EIF4A3: variants seen among roughly 807,000 people sequenced by gnomAD.
The protein encoded by EIF4A3 is eukaryotic initiation factor 4A-III.
EIF4A3 carries 1 observed loss-of-function variant against 55.6 expected under a neutral mutation model. That is an observed-to-expected ratio of 0.02 (90% CI 0.01 to 0.09). The LOEUF (loss-of-function observed/expected upper bound fraction) is 0.09. EIF4A3 is among the 10% of genes least tolerant of loss of function. The probability of loss-of-function intolerance (pLI) is 1.00; values close to 1 mark genes in which losing one functional copy is unlikely to be tolerated. For missense variants in EIF4A3, 221 were observed against 540.7 expected (o/e 0.41, Z 5.86); for synonymous variants, 194 against 196.3 (o/e 0.99, Z 0.10).
chr17:80,138,913 C>G (rs2039595227), intron 7 of EIF4A3, 108 bp downstream of exon 7: 1 of 1,454,546 alleles, frequency 6.9e-7, no homozygotes, highest in Admixed American at 2.0e-5. Context: ...ACACGAGCTT[C>G]AGCAACACAG....
intron 7 of EIF4A3, 71 bp downstream of exon 7, chr17:80,138,942 AAGTTTTTG>A: frequency 6.4e-7 from 1 of 1,569,558 alleles, no homozygotes; most frequent in Non-Finnish European, 8.7e-7. Context: ...TGGCTATAAA[AAGTTTTTG>A]AAATTACGAC....
At chr17:80,136,990 T>TG in intron 9 of EIF4A3, 1 of 165,482 alleles carries the variant, frequency 6.0e-6, no homozygotes. Context: ...ACAGCACATA[T>TG]GTTAAGCTGA....
Position 80,141,393 on chromosome 17 carries a change from A to AT in EIF4A3, c.310-13dup. ...TGAGTTTCACGAACCTGGTGAAATA[A>AT]TTTATCAGAAAATAGAGAATCCGCA... On this transcript the variant is annotated splice_polypyrimidine_tract_variant and intron_variant, in intron 3 of 11. Coordinates refer to ENST00000649764, the MANE Select transcript of EIF4A3 (RefSeq NM_014740.4). The AT allele has an allele frequency of 6.2e-7, 1 of 1,613,156 alleles. No homozygotes were observed. The highest frequency in any genetic ancestry group is 8.5e-7 in the Non-Finnish European group (1 of 1,179,194).
chr17:80,144,973 G>C (rs923104843), intron 1 of EIF4A3, among the ~76,000 whole-genome samples: 3 of 152,192 alleles, frequency 2.0e-5, no homozygotes, highest in African/African-American at 7.2e-5. Context: ...TTTTTTGGTA[G>C]TCTCTTAAAT....
In EIF4A3 at chr17:80,134,947, C is replaced by T. The variant is rs1026912630; in HGVS notation, c.*543G>A. ...TGGGTGGATCACGAGGTCAGGAGAT[C>T]GAGACCATCTTGGCTAACACGGTGA... On this transcript the variant is annotated 3_prime_UTR_variant, in exon 12 of 12. Transcript: ENST00000649764. Among the ~76,000 whole-genome samples, 6 of 151,824 alleles carry T rather than the reference C, an allele frequency of 4.0e-5. No individual in the cohort carries two copies. Among genetic ancestry groups the T allele is most frequent in the Admixed American group, 6.6e-5 (1 of 15,244 alleles).
In EIF4A3 at chr17:80,141,333, C is replaced by T. The variant is rs768135698; in HGVS notation, c.358G>A (p.Val120Met). 1 of 1,613,606 alleles carries T rather than the reference C, an allele frequency of 6.2e-7. No homozygotes were observed. Among genetic ancestry groups the T allele is most frequent in the Non-Finnish European group, 8.5e-7 (1 of 1,179,578 alleles). The part of the protein sequence containing the change: ...LILAPTRELA[V>M]QIQKGLLALG... ...AGCCATCTCACCTTCTGGATCTGCA[C>T]AGCCAACTCTCTTGTGGGAGCCAAG... The change falls in exon 4 of 12, where the codon GTG becomes ATG. Residue 120 changes from valine (V) to methionine (M), a missense_variant. Transcript: ENST00000649764.
chr17:80,141,197 C>T (rs12949569), intron 4 of EIF4A3, 122 bp downstream of exon 4: 181,102 of 1,037,736 alleles, frequency 0.17, 17,317 homozygotes, highest in Middle Eastern at 0.24. Context: ...AAATGTTAAT[C>T]AGGAAGAAAA....
At chr17:80,141,550 T>A in intron 3 of EIF4A3, 169 bp from the exon 4 acceptor site, 1 of 790,946 alleles carries the variant, frequency 1.3e-6, no homozygotes, top group East Asian at 2.7e-5. Context: ...AACAATAACT[T>A]AATGTGTCAG....
chr17:80,135,183 A>T lies in EIF4A3; in HGVS notation c.*307T>A, dbSNP rs1446428822. 3.2e-6 allele frequency: 1 copy of T among 312,098 alleles called. No homozygotes were observed. The highest frequency in any genetic ancestry group is 2.2e-5 in the African/African-American group (1 of 46,438). The allele number at this position is 312,098 out of a possible 1,614,324, so 19.3% of individuals were successfully genotyped here. On this transcript the variant is annotated 3_prime_UTR_variant, in exon 12 of 12. Coordinates refer to ENST00000649764, the MANE Select transcript of EIF4A3 (RefSeq NM_014740.4). ...AAAAGAAAAAGAAAAGAAAAAAAGAAAAGTGAGTGAAATGACCCAAGACTA... is the reference window on the plus strand; with the variant it reads ...AAAAGAAAAAGAAAAGAAAAAAAGATAAGTGAGTGAAATGACCCAAGACTA...
At chr17:80,146,641 G>C in intron 1 of EIF4A3, 152 bp downstream of exon 1, 1 of 888,748 alleles carries the variant, frequency 1.1e-6, no homozygotes, top group Non-Finnish European at 1.6e-6. Flanking sequence ...CGGGGGTGGG[G>C]GTGGGGGTCG....
intron 2 of EIF4A3, among the ~76,000 whole-genome samples, chr17:80,142,684 G>T (rs997916607): frequency 1.2e-4 from 18 of 152,068 alleles, no homozygotes; most frequent in Admixed American, 9.2e-4. Context: ...GTTAGAGGTT[G>T]CAGTGAGCTA....
rs373181695 is a variant in EIF4A3 at position 80,136,059 on chromosome 17, G to T, written c.1164C>A (p.Ile388=). 1 of 1,614,146 alleles carries T rather than the reference G, an allele frequency of 6.2e-7. No individual in the cohort carries two copies. Among genetic ancestry groups the T allele is most frequent in the Non-Finnish European group, 8.5e-7 (1 of 1,180,034 alleles). ...AATAGTACTGCTCGATATCTCTGAG[G>T]ATGCGGATGTCGTCATTCTTTACAA... is the stretch of plus-strand genomic sequence containing the variant. ...INFVKNDDIR[I]LRDIEQYYST... is the part of the protein sequence containing the mutation. The change falls in exon 11 of 12, where the codon ATC becomes ATA. Residue 388 remains isoleucine (I), a synonymous_variant. Coordinates refer to ENST00000649764, the MANE Select transcript of EIF4A3 (RefSeq NM_014740.4).
At chr17:80,137,599 T>C (rs2039583102) in intron 8 of EIF4A3, 98 bp from the exon 9 acceptor site, 1 of 903,310 alleles carries the variant, frequency 1.1e-6, no homozygotes, top group South Asian at 1.7e-5. Context: ...CCAGTATCAA[T>C]ATTCGTAAGG....
chr17:80,140,313 CTTTTTT>C (rs34707524), intron 4 of EIF4A3, 173 bp from the exon 5 acceptor site: 163 of 419,518 alleles, frequency 3.9e-4, no homozygotes, highest in East Asian at 1.2e-3. Context: ...GTTAATTTTG[CTTTTTT>C]TTTTTTTTTT....
At chr17:80,141,081 C>T (rs1286286245) in intron 4 of EIF4A3, among the ~76,000 whole-genome samples, 2 of 151,944 alleles carry the variant, frequency 1.3e-5, no homozygotes, top group East Asian at 1.9e-4. Flanking sequence ...ATTGATTTTT[C>T]GCAAAAAATC....
intron 4 of EIF4A3, chr17:80,140,400 G>T: frequency 3.5e-6 from 1 of 288,868 alleles, no homozygotes; most frequent in Non-Finnish European, 6.3e-6. Flanking sequence ...TGCAAGCTCC[G>T]CCTCCAGGGT....
In EIF4A3 at chr17:80,141,363, A is replaced by G; in HGVS notation, c.328T>C (p.Leu110=). The change falls in exon 4 of 12, where the codon TTG becomes CTG. Residue 110 remains leucine (L), a synonymous_variant. Transcript: ENST00000649764. ...AACTCTCTTGTGGGAGCCAAGATCAAAGCTTGAGTTTCACGAACCTGGTGA... is the reference window on the plus strand; with the variant it reads ...AACTCTCTTGTGGGAGCCAAGATCAGAGCTTGAGTTTCACGAACCTGGTGA... ...LDIQVRETQA[L]ILAPTRELAV... 6.2e-7 allele frequency: 1 copy of G among 1,613,900 alleles called. No individual in the cohort carries two copies. The highest frequency in any genetic ancestry group is 8.5e-7 in the Non-Finnish European group (1 of 1,179,794).
At chr17:80,139,184 G>A (rs1342105311) in intron 6 of EIF4A3, 22 bp from the exon 7 acceptor site, 3 of 1,613,300 alleles carry the variant, frequency 1.9e-6, no homozygotes, top group Non-Finnish European at 2.5e-6. Flanking sequence ...AGCAAGACAG[G>A]TGAGGGATGT....
intron 1 of EIF4A3, among the ~76,000 whole-genome samples, chr17:80,145,572 GAAGA>G (rs888559956): frequency 6.6e-6 from 1 of 152,090 alleles, no homozygotes; most frequent in Non-Finnish European, 1.5e-5. Context: ...GAAGGAAAAG[GAAGA>G]AAGAAAAGGA....
Sources: allele counts gnomAD v4.1 joint callset (sites outside exome capture counted in the v4.1 genomes callset), GRCh38; gene constraint gnomAD v4.1.1; transcripts MANE v1.5; gene names NCBI Gene and HGNC (gene_info 2026-07-23, HGNC 2026-07-21).